PTPRN2: variants seen among roughly 807,000 people sequenced by gnomAD.
The protein encoded by PTPRN2 is protein tyrosine phosphatase receptor type N2, also known as receptor-type tyrosine-protein phosphatase N2.
PTPRN2 carries 74 observed loss-of-function variants against 118.8 expected under a neutral mutation model. The ratio of observed to expected loss-of-function variants is 0.62; its 90% CI spans 0.52 to 0.76. PTPRN2 has a LOEUF of 0.76. Ranked by LOEUF, PTPRN2 falls within the 30% of genes least tolerant of loss-of-function variation. The pLI is 0.00. For missense variants in PTPRN2, 1,481 were observed against 1,394.4 expected (o/e 1.06, Z -0.99); for synonymous variants, 641 against 608.0 (o/e 1.05, Z -0.80).
intron 2 of PTPRN2, among the ~76,000 whole-genome samples, chr7:158,377,837 C>T (rs963047333): frequency 5.9e-5 from 9 of 152,040 alleles, no homozygotes; most frequent in Non-Finnish European, 8.8e-5. Flanking sequence ...TGCTCAAGGG[C>T]AGGGTGCAGG....
At chr7:158,493,836 C>G (rs1586797186) in intron 1 of PTPRN2, among the ~76,000 whole-genome samples, 1 of 151,526 alleles carries the variant, frequency 6.6e-6, no homozygotes, top group South Asian at 2.1e-4. Flanking sequence ...CATGCATACA[C>G]ACATGCACAC....
intron 2 of PTPRN2, among the ~76,000 whole-genome samples, chr7:158,479,650 A>G (rs2129444829): frequency 1.3e-5 from 2 of 152,362 alleles, no homozygotes; most frequent in East Asian, 3.9e-4. Context: ...ATGAGGTAGC[A>G]ACTGAGAGAT....
chr7:158,366,718 C>T (rs1306171146), intron 2 of PTPRN2, among the ~76,000 whole-genome samples: 2 of 152,082 alleles, frequency 1.3e-5, no homozygotes, highest in African/African-American at 4.8e-5. Context: ...TTTTCAATTT[C>T]TGAAATCAGT....
intron 2 of PTPRN2, among the ~76,000 whole-genome samples, chr7:158,353,418 C>T (rs1334503222): frequency 6.6e-6 from 1 of 152,218 alleles, no homozygotes; most frequent in African/African-American, 2.4e-5. Flanking sequence ...GCTTACTTTA[C>T]ATTTGCCTAA....
intron 11 of PTPRN2, among the ~76,000 whole-genome samples, chr7:157,936,408 A>G (rs1218311832): frequency 6.6e-6 from 1 of 151,990 alleles, no homozygotes; most frequent in African/African-American, 2.4e-5. Context: ...CCCTCACTCC[A>G]CCAGGCCCCG....
intron 12 of PTPRN2, among the ~76,000 whole-genome samples, chr7:157,721,620 A>G (rs1223598145): frequency 6.6e-6 from 1 of 152,058 alleles, no homozygotes; most frequent in East Asian, 1.9e-4. Flanking sequence ...TCCCCTCTAC[A>G]CTGGGTGTGC....
chr7:158,202,975 T>C (rs190228085), intron 4 of PTPRN2, among the ~76,000 whole-genome samples: 1 of 152,158 alleles, frequency 6.6e-6, no homozygotes, highest in Admixed American at 6.5e-5. Flanking sequence ...GGCTCATGCC[T>C]GTAATCCTAG....
chr7:158,055,015 A>T (rs1386644939), intron 11 of PTPRN2, among the ~76,000 whole-genome samples: 1 of 152,242 alleles, frequency 6.6e-6, no homozygotes, highest in Non-Finnish European at 1.5e-5. Flanking sequence ...CCAGGTGCCG[A>T]GGCAAGAGAC....
At chr7:157,827,834 G>A (rs1807290360) in intron 12 of PTPRN2, among the ~76,000 whole-genome samples, 1 of 152,246 alleles carries the variant, frequency 6.6e-6, no homozygotes, top group Non-Finnish European at 1.5e-5. Context: ...CGGCCACCGT[G>A]TCACGGGCTG....
chr7:158,063,871 C>T (rs1363976731), intron 11 of PTPRN2, among the ~76,000 whole-genome samples: 1 of 152,164 alleles, frequency 6.6e-6, no homozygotes, highest in Non-Finnish European at 1.5e-5. Flanking sequence ...AGAAGGCAAC[C>T]ACGACAAAAC....
At position 157,609,870 on chromosome 7, in the gene PTPRN2, T is replaced by C. The variant is rs1352371973; in HGVS notation, c.2345-5795A>G. ...CATAGATGCCAACAGAAGAGACACA[T>C]CCCACAATTTCTTGTTGATTATTAC... is the stretch of plus-strand genomic sequence containing the variant. On this transcript the variant is annotated intron_variant, in intron 15 of 22. Transcript: ENST00000389418. This position sits in a 1 kb window ranked among gnomAD's most constrained non-coding sequence, Gnocchi z 4.9. Among the ~76,000 whole-genome samples, 1 of 152,164 alleles carries C rather than the reference T, an allele frequency of 6.6e-6. No individual in the cohort carries two copies. The highest frequency in any genetic ancestry group is 6.5e-5 in the Admixed American group (1 of 15,288).
At chr7:158,329,114 C>G (rs913619943) in intron 2 of PTPRN2, among the ~76,000 whole-genome samples, 2 of 152,182 alleles carry the variant, frequency 1.3e-5, no homozygotes, top group African/African-American at 4.8e-5. Context: ...CCCACTGCAC[C>G]GAGGGAGGCG....
intron 2 of PTPRN2, among the ~76,000 whole-genome samples, chr7:158,389,797 T>C (rs1440840869): frequency 1.3e-5 from 2 of 152,240 alleles, no homozygotes; most frequent in African/African-American, 4.8e-5. Context: ...CCTGCTCTCC[T>C]TTGTTCCTGG....
At chr7:158,424,666 G>A (rs1397630366) in intron 2 of PTPRN2, among the ~76,000 whole-genome samples, 2 of 152,220 alleles carry the variant, frequency 1.3e-5, no homozygotes, top group Admixed American at 6.5e-5. Flanking sequence ...GGCCCTGAGA[G>A]CCCTGAGAGC....
At chr7:157,552,279 C>T (rs192767703) in intron 21 of PTPRN2, among the ~76,000 whole-genome samples, 1 of 152,248 alleles carries the variant, frequency 6.6e-6, no homozygotes, top group East Asian at 1.9e-4. Context: ...AATAGCTTCC[C>T]GATAAAAATA....
At chr7:158,057,462 C>G (rs571129792) in intron 11 of PTPRN2, among the ~76,000 whole-genome samples, 1 of 152,162 alleles carries the variant, frequency 6.6e-6, no homozygotes. Context: ...AGTCACAGAC[C>G]GAGCAGGTAC....
intron 12 of PTPRN2, among the ~76,000 whole-genome samples, chr7:157,853,500 C>T (rs967092939): frequency 6.6e-6 from 1 of 151,260 alleles, no homozygotes; most frequent in East Asian, 2.0e-4. Context: ...CCTTTGTGTA[C>T]AGGCTGAAGA....
chr7:158,344,974 G>A (rs1807390749), intron 2 of PTPRN2, among the ~76,000 whole-genome samples: 1 of 152,322 alleles, frequency 6.6e-6, no homozygotes, highest in African/African-American at 2.4e-5. Flanking sequence ...AAGACAGCTT[G>A]GACCCAAGGC....
chr7:158,063,088 CT>C (rs562947399), intron 11 of PTPRN2, among the ~76,000 whole-genome samples: 1 of 152,250 alleles, frequency 6.6e-6, no homozygotes, highest in Non-Finnish European at 1.5e-5. Flanking sequence ...GTTGTAAATA[CT>C]CCAATCAGCA....
Sources: gnomAD v4.1 joint callset for allele counts (sites outside exome capture counted in the v4.1 genomes callset) on GRCh38, gnomAD v4.1.1 for gene constraint, Gnocchi (gnomAD v3.1) non-coding constraint, MANE v1.5 for transcripts, NCBI Gene and HGNC (gene_info 2026-07-23, HGNC 2026-07-21) for gene names.